Variants in TTN observed in about 807,000 individuals in gnomAD.
TTN encodes the protein titin.
In TTN, 1,525 loss-of-function variants were observed where a neutral mutation model predicts 3,223.0. That is an observed-to-expected ratio of 0.47 (90% CI 0.45 to 0.49). TTN has a LOEUF of 0.49. Ranked by LOEUF, TTN falls within the 20% of genes least tolerant of loss-of-function variation. The pLI is 0.00. For synonymous variants in TTN, 14,094 were observed against 15,161.0 expected (o/e 0.93, Z 5.17); for missense variants, 40,786 against 43,424.0 (o/e 0.94, Z 5.40).
Position 178,612,550 on chromosome 2 carries a change from C to T in TTN, c.49975G>A (p.Glu16659Lys), listed in dbSNP as rs778767799. Reference sequence around the variant, plus strand: ...GTATTTTTTGTGATATTAATAACTTCAAGCCAGCGTGGTGGTGATGGAGGA... The same window carrying T: ...GTATTTTTTGTGATATTAATAACTTTAAGCCAGCGTGGTGGTGATGGAGGA... ...LYPPSPPRWL[E>K]VINITKNTAD... The change falls in exon 266 of 363, where the codon GAA (glutamate) becomes AAA (lysine). Residue 16659 changes from glutamate (E) to lysine (K), a missense_variant. Coordinates refer to ENST00000589042, the MANE Select transcript of TTN (RefSeq NM_001267550.2). The T allele has an allele frequency of 3.1e-6, 5 of 1,611,054 alleles. No homozygotes were observed. The highest frequency in any genetic ancestry group is 3.4e-6 in the Non-Finnish European group (4 of 1,178,920).
rs1000584493 is a variant in TTN, at chr2:178,550,287, A to G, written c.91565-14T>C. 4.4e-6 allele frequency: 7 copies of G among 1,595,476 alleles called. No individual in the cohort carries two copies. The highest frequency in any genetic ancestry group is 6.0e-6 in the Non-Finnish European group (7 of 1,171,008). ...CTATTGGTGGAACTATAAAAGAAAG[A>G]GAAATACTATGTATTAGTTTGGCTT... On this transcript the variant is annotated splice_polypyrimidine_tract_variant and intron_variant, in intron 336 of 362. Coordinates refer to ENST00000589042, the MANE Select transcript of TTN (RefSeq NM_001267550.2).
chr2:178,700,413 A>G (rs1254008570), intron 111 of TTN, among the ~76,000 whole-genome samples: 1 of 152,196 alleles, frequency 6.6e-6, no homozygotes, highest in Non-Finnish European at 1.5e-5. Flanking sequence ...TTAGCTATAG[A>G]AAAATGTGAT....
intron 38 of TTN, among the ~76,000 whole-genome samples, chr2:178,768,446 C>T (rs1169382939): frequency 6.6e-6 from 1 of 152,202 alleles, no homozygotes; most frequent in East Asian, 1.9e-4. Context: ...TAAATGGAAT[C>T]ATACAATATG....
intron 24 of TTN, 118 bp from the exon 25 acceptor site, chr2:178,778,093 A>G: frequency 6.1e-6 from 8 of 1,303,646 alleles, no homozygotes; most frequent in Non-Finnish European, 8.5e-6. Flanking sequence ...TGCACGTATT[A>G]GAAGGCACCT....
At chr2:178,794,271 G>C in intron 8 of TTN, 128 bp downstream of exon 8, 1 of 1,412,556 alleles carries the variant, frequency 7.1e-7, no homozygotes, top group African/African-American at 1.4e-5. Context: ...TCTGGGCCCT[G>C]CTGGGCTCAA....
chr2:178,694,599 C>T lies in TTN; in HGVS notation c.31426G>A (p.Val10476Ile). ...PVQEEVIEVK[V>I]PAVHTKKMVI... is the part of the protein sequence containing the mutation. ...GTAGCTGAAACACAAAGATGTATAC[C>T]TTTCACTTCAATAACTTCTTCCTGT... is the stretch of plus-strand genomic sequence containing the variant. Residue 10476 changes from valine to isoleucine, a missense_variant and splice_region_variant, in exon 117 of 363, where the codon GTA (valine) becomes ATA (isoleucine). Val to Ile is a conservative substitution (Grantham distance 29, BLOSUM62 3). Coordinates refer to ENST00000589042, the MANE Select transcript of TTN (RefSeq NM_001267550.2). 1.3e-6 allele frequency: 2 copies of T among 1,553,016 alleles called. No homozygotes were observed. Among genetic ancestry groups the T allele is most frequent in the South Asian group, 1.2e-5 (1 of 83,378 alleles).
intron 87 of TTN, 28 bp from the exon 88 acceptor site, chr2:178,717,410 AT>A (rs1435630105): frequency 1.3e-6 from 2 of 1,587,696 alleles, no homozygotes; most frequent in Non-Finnish European, 1.7e-6. Context: ...CAACATGGTG[AT>A]TTTTATTTCC....
intron 149 of TTN, 55 bp from the exon 150 acceptor site, chr2:178,675,168 A>G: frequency 8.2e-7 from 1 of 1,221,322 alleles, no homozygotes; most frequent in Non-Finnish European, 1.2e-6. Context: ...AAAGAAGAAT[A>G]AAGACCACGT....
intron 13 of TTN, 32 bp from the exon 14 acceptor site, chr2:178,786,173 G>A: frequency 6.2e-7 from 1 of 1,609,698 alleles, no homozygotes; most frequent in Non-Finnish European, 8.5e-7. Context: ...TTAATACATA[G>A]GAATATCGAG....
chr2:178,546,280 C>T lies in TTN; in HGVS notation c.95051G>A (p.Gly31684Glu), dbSNP rs750325170. 5 of 1,613,802 alleles carry T rather than the reference C, an allele frequency of 3.1e-6. No individual in the cohort carries two copies. Among genetic ancestry groups the T allele is most frequent in the Non-Finnish European group, 4.2e-6 (5 of 1,179,744 alleles). Residue 31684 changes from glycine (G) to glutamate (E), a missense_variant, in exon 342 of 363, where the codon GGA (glycine) becomes GAA (glutamate). By Grantham distance (98) the Gly-to-Glu change is moderately conservative. Coordinates refer to ENST00000589042, the MANE Select transcript of TTN (RefSeq NM_001267550.2). The stretch of plus-strand genomic sequence containing the variant: ...ATTTTTCACTGTTAAAGTGTATTTT[C>T]CACTGTCACTTCTGTCACAGAACTT... ...VIKFCDRSDS[G>E]KYTLTVKNAS...
In TTN at chr2:178,594,053, A is replaced by G; in HGVS notation, c.58340T>C (p.Ile19447Thr). ...TTPATLALEK[I>T]KAKRSDSGKY... ...GCCGGAATCTGAACGTTTGGCCTTG[A>G]TCTTCTCTAAAGCAAGTGTTGCTGG... The change falls in exon 297 of 363, where the codon ATC becomes ACC. Residue 19447 changes from isoleucine to threonine, a missense_variant. Coordinates refer to ENST00000589042, the MANE Select transcript of TTN (RefSeq NM_001267550.2). 1 of 1,613,528 alleles carries G rather than the reference A, an allele frequency of 6.2e-7. No homozygotes were observed.
rs1331617579 is a variant in TTN at position 178,693,714 on chromosome 2, A to G, written c.31514-25T>C. 3.3e-6 allele frequency: 5 copies of G among 1,532,278 alleles called. No homozygotes were observed. In the Admixed American group the frequency reaches 7.1e-5, roughly 22 times the overall value. 94.9% of individuals were successfully genotyped at this position (1,532,278 alleles called of 1,614,324 possible). A position where few individuals can be genotyped will look rare whatever the true frequency, so the allele number is the denominator to read the frequency against. The stretch of plus-strand genomic sequence containing the variant: ...ACTTAAAAAAATGTACATTTTAATT[A>G]CTGATATGCCATGTTGTGGGTGGTA... On this transcript the variant is annotated intron_variant, in intron 118 of 362. Coordinates refer to ENST00000589042, the MANE Select transcript of TTN (RefSeq NM_001267550.2).
In TTN at chr2:178,614,904, G is replaced by A; in HGVS notation, c.48703C>T (p.Gln16235Ter). The A allele has an allele frequency of 6.3e-7, 1 of 1,586,962 alleles. No individual in the cohort carries two copies. The highest frequency in any genetic ancestry group is 8.6e-7 in the Non-Finnish European group (1 of 1,165,156). Reference protein sequence around the residue: ...YAYRVKALNRQGASKPSRPTE... With the variant: ...YAYRVKALNR ...GGTCTGCTTGGTTTGCTAGCACCCT[G>A]CCTGTTTAAGGCCTTCACGCGGTAG... is the stretch of plus-strand genomic sequence containing the variant. The change falls in exon 260 of 363, where the codon CAG (glutamine) becomes TAG (stop). Residue 16235 changes from glutamine (Q) to a stop codon, truncating the protein, a stop_gained. Transcript: ENST00000589042. LOFTEE classifies it high-confidence loss of function.
At chr2:178,741,984 C>A (rs2082565685) in intron 47 of TTN, 63 bp from the exon 48 acceptor site, 2 of 1,224,790 alleles carry the variant, frequency 1.6e-6, no homozygotes, top group South Asian at 2.7e-5. Flanking sequence ...AAATAGAAAT[C>A]AAAGAATTAG....
chr2:178,749,162 CA>C, intron 47 of TTN: 1 of 1,611,490 alleles, frequency 6.2e-7, no homozygotes, highest in East Asian at 2.2e-5. Context: ...ACTTTGGGCA[CA>C]TTCTTGTACA....
At chr2:178,756,927 G>A (rs2087202793) in intron 45 of TTN, 130 bp from the exon 46 acceptor site, 1 of 793,314 alleles carries the variant, frequency 1.3e-6, no homozygotes. Context: ...AAAGCAGCAT[G>A]CCAGATGCAA....
intron 22 of TTN, 95 bp from the exon 23 acceptor site, chr2:178,779,557 A>C (rs1199202619): frequency 8.3e-6 from 7 of 840,388 alleles, no homozygotes; most frequent in Non-Finnish European, 1.3e-5. Context: ...TGAAGTTTTT[A>C]GCTGGGAGAA....
Position 178,571,378 on chromosome 2 carries a change from T to C in TTN, c.74754A>G (p.Thr24918=), listed in dbSNP as rs1168935191. The C allele has an allele frequency of 6.2e-7, 1 of 1,613,382 alleles. No individual in the cohort carries two copies. Residue 24918 remains threonine (T), a synonymous_variant, in exon 326 of 363, where the codon ACA becomes ACG. Coordinates refer to ENST00000589042, the MANE Select transcript of TTN (RefSeq NM_001267550.2). ...CTTCCATGCTGTCCCTGGAGGACAG[T>C]GTGACAACTGGAGTGCCAGGAGGAC... ...VPGPPGTPVV[T]LSSRDSMEVQ...
At chr2:178,804,752 T>C (rs2094233625) in intron 1 of TTN, 97 bp from the exon 2 acceptor site, 1 of 1,113,012 alleles carries the variant, frequency 9.0e-7, no homozygotes, top group Non-Finnish European at 1.3e-6. Flanking sequence ...CCAAATGGAT[T>C]GCTCCATAGG....
Sources: allele counts gnomAD v4.1 joint callset (sites outside exome capture counted in the v4.1 genomes callset), GRCh38; gene constraint gnomAD v4.1.1; transcripts MANE v1.5; gene names NCBI Gene and HGNC (gene_info 2026-07-23, HGNC 2026-07-21).